CLTRN: variants seen among roughly 807,000 people sequenced by gnomAD.
CLTRN encodes the protein collectrin, amino acid transport regulator.
A neutral mutation model predicts 14.5 loss-of-function variants in CLTRN; 12 were observed. That is an observed-to-expected ratio of 0.83 (90% CI 0.53 to 1.34). CLTRN has a LOEUF of 1.34. Among genes scored for constraint, CLTRN ranks in the 40% most tolerant of loss-of-function variants. The pLI is 0.00. For missense variants in CLTRN, 154 were observed against 165.1 expected (o/e 0.93, Z 0.37); for synonymous variants, 58 against 56.5 (o/e 1.03, Z -0.12).
chrX:15,645,594 C>G (rs1345999648), intron 3 of CLTRN, among the ~76,000 whole-genome samples: 2 of 112,232 alleles, frequency 1.8e-5, no homozygotes, highest in Non-Finnish European at 3.8e-5. Context: ...TCGCCTTGAA[C>G]AAACCTCCAA....
At chrX:15,669,465 T>C (rs1929677645), upstream of CLTRN, among the ~76,000 whole-genome samples, 1 of 112,232 alleles carries the variant, frequency 8.9e-6, no homozygotes, top group South Asian at 3.7e-4. Context: ...CAGATTACTG[T>C]TGCCATGAGC....
At chrX:15,645,574 T>A (rs1388313769) in intron 3 of CLTRN, among the ~76,000 whole-genome samples, 3 of 112,186 alleles carry the variant, frequency 2.7e-5, no homozygotes, top group African/African-American at 9.7e-5. Context: ...AAAAACAAGT[T>A]TCTTTTACAT....
At chrX:15,630,921 G>A (rs757822468) in intron 5 of CLTRN, among the ~76,000 whole-genome samples, 7 of 111,923 alleles carry the variant, frequency 6.3e-5, no homozygotes, top group East Asian at 2.8e-4. Context: ...CACTTTCCAC[G>A]TCCTCCAGAA....
At chrX:15,672,461 T>A (rs1397706062) in intron 1 of CLTRN, among the ~76,000 whole-genome samples, 2 of 101,946 alleles carry the variant, frequency 2.0e-5, no homozygotes. Context: ...GGTCACCTAG[T>A]CACATTTAGC....
chrX:15,643,285 T>C (rs1928985012), intron 4 of CLTRN, among the ~76,000 whole-genome samples: 1 of 112,199 alleles, frequency 8.9e-6, no homozygotes, highest in Admixed American at 9.4e-5. Context: ...CTCCTTTTTT[T>C]CACTCTATCC....
At chrX:15,670,340 C>CACACACACAG (rs1929694792) in intron 1 of CLTRN, among the ~76,000 whole-genome samples, 1 of 109,394 alleles carries the variant, frequency 9.1e-6, no homozygotes, top group Non-Finnish European at 1.9e-5. Flanking sequence ...CACACACACA[C>CACACACACAG]ACACACACAC....
chrX:15,654,199 C>T (rs908327016), intron 3 of CLTRN, among the ~76,000 whole-genome samples: 4 of 112,431 alleles, frequency 3.6e-5, no homozygotes, highest in Admixed American at 1.9e-4. Flanking sequence ...TACAACAGCA[C>T]GTTGTTCCTT....
chrX:15,646,611 TG>T (rs1929079849), intron 3 of CLTRN: 1 of 342,292 alleles, frequency 2.9e-6, no homozygotes, highest in Non-Finnish European at 5.9e-6. Context: ...TCCTCCCAGC[TG>T]GGACTACGCC....
rs111413791 is a variant in CLTRN, at chrX:15,646,462, A to ACC, written c.204-1435_204-1434dup. On this transcript the variant is annotated intron_variant, in intron 3 of 5. Coordinates refer to ENST00000380342, the MANE Select transcript of CLTRN (RefSeq NM_020665.6). Reference sequence around the variant, plus strand: ...CTCTGGGCCAGAAAACCGCGCACCCACCCCCCCGCCCGACCCCCGCGCCAG... The same window carrying ACC: ...CTCTGGGCCAGAAAACCGCGCACCCACCCCCCCCCGCCCGACCCCCGCGCCAG... 111 of 177,473 alleles carry ACC rather than the reference A, an allele frequency of 6.3e-4. 2 individuals are homozygous for ACC. The highest frequency in any genetic ancestry group is 3.0e-3 in the East Asian group (20 of 6,635). 14.6% of individuals were successfully genotyped at this position (177,473 alleles called of 1,213,427 possible). A position where few individuals can be genotyped will look rare whatever the true frequency, so the allele number is the denominator to read the frequency against.
At chrX:15,635,958 C>T (rs1201571386) in intron 5 of CLTRN, among the ~76,000 whole-genome samples, 1 of 111,621 alleles carries the variant, frequency 9.0e-6, no homozygotes, top group Non-Finnish European at 1.9e-5. Flanking sequence ...TGCTCAACTT[C>T]ACTAATCATC....
chrX:15,637,678 C>A (rs1928849787), intron 5 of CLTRN, among the ~76,000 whole-genome samples: 1 of 111,884 alleles, frequency 8.9e-6, no homozygotes, highest in Non-Finnish European at 1.9e-5. Flanking sequence ...GCTGAAAGGC[C>A]AGCAAATGGC....
At chrX:15,651,072 A>T (rs1211261541) in intron 3 of CLTRN, among the ~76,000 whole-genome samples, 2 of 111,470 alleles carry the variant, frequency 1.8e-5, no homozygotes, top group Admixed American at 9.5e-5. Context: ...CAAATCCACC[A>T]TGGGAGCATC....
chrX:15,659,075 G>C lies in CLTRN; in HGVS notation c.144C>G (p.Tyr48Ter). 3 of 1,171,823 alleles carry C rather than the reference G, an allele frequency of 2.6e-6. No homozygotes were observed. The highest frequency in any genetic ancestry group is 3.5e-6 in the Non-Finnish European group (3 of 866,625). The stretch of plus-strand genomic sequence containing the variant: ...AGAAAGCTACCATCGCTTTGAAGAG[G>C]TATTCTTCATTGGTATCCCAGGCAT... Reference protein sequence around the residue: ...KAYAWDTNEEYLFKAMVAFSM... With the variant: ...KAYAWDTNEE The change falls in exon 3 of 6, where the codon TAC becomes TAG. Residue 48 changes from tyrosine to a stop codon, truncating the protein, a stop_gained. Coordinates refer to ENST00000380342, the MANE Select transcript of CLTRN (RefSeq NM_020665.6). LOFTEE classifies it high-confidence loss of function.
intron 5 of CLTRN, among the ~76,000 whole-genome samples, chrX:15,633,035 C>G (rs994751795): frequency 3.6e-5 from 4 of 110,881 alleles, no homozygotes; most frequent in African/African-American, 1.3e-4. Context: ...CTGGATGATT[C>G]TGGGGGTAAA....
chrX:15,629,253 TAG>T (rs1259616965), intron 5 of CLTRN, among the ~76,000 whole-genome samples: 7 of 111,094 alleles, frequency 6.3e-5, no homozygotes, highest in African/African-American at 2.3e-4. Context: ...GGTGACCAGG[TAG>T]AGTCCCACCA....
At chrX:15,652,428 CAT>C (rs1484598161) in intron 3 of CLTRN, among the ~76,000 whole-genome samples, 1 of 103,687 alleles carries the variant, frequency 9.6e-6, no homozygotes, top group Admixed American at 1.0e-4. Flanking sequence ...TTGTTTCACA[CAT>C]ATGTCAAAGA....
chrX:15,646,462 A>ACCCCCCC, intron 3 of CLTRN: 2 of 170,839 alleles, frequency 1.2e-5, no homozygotes, highest in Admixed American at 6.2e-5. Context: ...CCGCGCACCC[A>ACCCCCCC]CCCCCCCGCC....
upstream of CLTRN, among the ~76,000 whole-genome samples, chrX:15,675,307 T>C (rs767750283): frequency 1.8e-5 from 2 of 109,017 alleles, no homozygotes; most frequent in South Asian, 7.9e-4. Context: ...GGGCGAAGGG[T>C]GGAAAAGTGG....
At chrX:15,652,472 A>C (rs781369583) in intron 3 of CLTRN, among the ~76,000 whole-genome samples, 1 of 91,382 alleles carries the variant, frequency 1.1e-5, no homozygotes, top group Non-Finnish European at 2.1e-5. Flanking sequence ...CTTTACAGAC[A>C]AAAAAAAAAA....
Sources: gnomAD v4.1 joint callset for allele counts (sites outside exome capture counted in the v4.1 genomes callset) on GRCh38, gnomAD v4.1.1 for gene constraint, MANE v1.5 for transcripts, NCBI Gene and HGNC (gene_info 2026-07-23, HGNC 2026-07-21) for gene names.